IGF2R: variants seen among roughly 807,000 people sequenced by gnomAD.
IGF2R encodes the protein insulin like growth factor 2 receptor.
IGF2R carries 91 observed loss-of-function variants against 270.6 expected under a neutral mutation model. That is an observed-to-expected ratio of 0.34 (90% CI 0.28 to 0.40). The LOEUF (loss-of-function observed/expected upper bound fraction) is 0.40, where lower values mean the gene tolerates loss of function less well. IGF2R is among the 10% of genes least tolerant of loss of function. IGF2R has a pLI of 1.00. For synonymous variants in IGF2R, 1,316 were observed against 1,258.9 expected, an observed-to-expected ratio of 1.05 and a Z score of -0.96; for missense variants, 2,805 against 3,188.3, an observed-to-expected ratio of 0.88 and a Z score of 2.90.
intron 4 of IGF2R, among the ~76,000 whole-genome samples, chr6:160,020,957 A>T (rs1777418928): frequency 6.6e-6 from 1 of 152,242 alleles, no homozygotes; most frequent in Admixed American, 6.5e-5. Context: ...ATGGGACTTT[A>T]TTAAACTTAA....
At chr6:159,997,950 T>A (rs150003951) in intron 2 of IGF2R, among the ~76,000 whole-genome samples, 1 of 152,160 alleles carries the variant, frequency 6.6e-6, no homozygotes, top group South Asian at 2.1e-4. Flanking sequence ...TTGATTTCCC[T>A]CTCTCTCTAC....
At chr6:160,019,577 A>G (rs1186095419) in intron 4 of IGF2R, among the ~76,000 whole-genome samples, 2 of 152,220 alleles carry the variant, frequency 1.3e-5, no homozygotes, top group Non-Finnish European at 2.9e-5. Context: ...ACAAAATACT[A>G]GCAAACTGAA....
intron 29 of IGF2R, among the ~76,000 whole-genome samples, chr6:160,065,814 GTA>G (rs59035193): frequency 0.04 from 3,091 of 78,166 alleles, 131 homozygotes; most frequent in East Asian, 0.13. Flanking sequence ...GTGTGTGTGT[GTA>G]TATATATATA....
intron 10 of IGF2R, among the ~76,000 whole-genome samples, chr6:160,037,559 C>G (rs1777855002): frequency 2.6e-5 from 4 of 152,138 alleles, no homozygotes; most frequent in Admixed American, 6.5e-5. Flanking sequence ...GGTTCATGTA[C>G]TTTTCAGGAT....
intron 4 of IGF2R, among the ~76,000 whole-genome samples, chr6:160,015,314 G>A (rs553621863): frequency 1.3e-5 from 2 of 152,170 alleles, no homozygotes; most frequent in Non-Finnish European, 2.9e-5. Context: ...TTTGGAAGAG[G>A]TAATTAAAAT....
At chr6:160,041,775 C>T (rs1161115966) in intron 11 of IGF2R, among the ~76,000 whole-genome samples, 1 of 152,152 alleles carries the variant, frequency 6.6e-6, no homozygotes, top group Non-Finnish European at 1.5e-5. Flanking sequence ...TGGTTAAACA[C>T]CCTGTGTGCT....
At chr6:160,072,518 G>T (rs1778764551) in intron 32 of IGF2R, among the ~76,000 whole-genome samples, 1 of 152,206 alleles carries the variant, frequency 6.6e-6, no homozygotes, top group Non-Finnish European at 1.5e-5. Context: ...TGGCTGCTGT[G>T]GTATGGCCCA....
chr6:160,060,205 T>A (rs1778405017), intron 22 of IGF2R, among the ~76,000 whole-genome samples: 2 of 152,020 alleles, frequency 1.3e-5, no homozygotes, highest in African/African-American at 2.4e-5. Context: ...AGGCCACCGT[T>A]GCAGTGAGTG....
In IGF2R at chr6:160,029,596, T is replaced by G. The variant is rs754064175; in HGVS notation, c.823T>G (p.Cys275Gly). ...VREEAGKLDF[C>G]DGHSPAVTIT... ...GGAAGAGGCAGGAAAGCTAGACTTT[T>G]GTGATGGTCACAGCCCTGCGGTGAC... Residue 275 changes from cysteine to glycine, a missense_variant, in exon 7 of 48, where the codon TGT (cysteine) becomes GGT (glycine). Cys to Gly is a radical substitution (Grantham distance 159, BLOSUM62 -3). Coordinates refer to ENST00000356956, the MANE Select transcript of IGF2R (RefSeq NM_000876.4). 6.8e-6 allele frequency: 11 copies of G among 1,614,198 alleles called. No homozygotes were observed. The highest frequency in any genetic ancestry group is 9.3e-6 in the Non-Finnish European group (11 of 1,180,008).
At position 160,080,171 on chromosome 6, in the gene IGF2R, A is replaced by G. The variant is rs768236699; in HGVS notation, c.5729A>G (p.Asn1910Ser). 2.0e-5 allele frequency: 32 copies of G among 1,613,986 alleles called. No individual in the cohort carries two copies. The highest frequency in any genetic ancestry group is 3.3e-5 in the Admixed American group (2 of 59,996). The change falls in exon 39 of 48, where the codon AAT (asparagine) becomes AGT (serine). Residue 1910 changes from asparagine (N) to serine (S), a missense_variant. Physicochemically the swap from Asn to Ser is conservative, Grantham distance 46. Transcript: ENST00000356956. ...CCCTGTGTCTTCCCCTTCATATTCAATGGGAAGAGCTACGAGGAGTGCATC... is the reference window on the plus strand; with the variant it reads ...CCCTGTGTCTTCCCCTTCATATTCAGTGGGAAGAGCTACGAGGAGTGCATC... The part of the protein sequence containing the change: ...GVPCVFPFIF[N>S]GKSYEECIIE...
chr6:160,096,611 C>A lies in IGF2R; in HGVS notation c.6828C>A (p.Ala2276=), dbSNP rs200108338. The change falls in exon 45 of 48, where the codon GCC becomes GCA. Residue 2276 remains alanine, a synonymous_variant. Coordinates refer to ENST00000356956, the MANE Select transcript of IGF2R (RefSeq NM_000876.4). ...ACCTCTTCTCTTGGTACACCTCAGC[C>A]GTGTGTCCTCTGGGGTGAGTATGAC... ...CQYLFSWYTS[A]VCPLGVGFDS... is the part of the protein sequence containing the mutation. 5 of 1,613,558 alleles carry A rather than the reference C, an allele frequency of 3.1e-6. No individual in the cohort carries two copies. Among genetic ancestry groups the A allele is most frequent in the Non-Finnish European group, 3.4e-6 (4 of 1,179,648 alleles).
At chr6:160,021,774 C>T (rs2115220242) in intron 4 of IGF2R, among the ~76,000 whole-genome samples, 1 of 152,074 alleles carries the variant, frequency 6.6e-6, no homozygotes. Flanking sequence ...CACTTATACA[C>T]CATTGGTGGG....
chr6:159,972,173 C>T (rs1783618841), intron 1 of IGF2R, among the ~76,000 whole-genome samples: 1 of 151,936 alleles, frequency 6.6e-6, no homozygotes, highest in Non-Finnish European at 1.5e-5. Flanking sequence ...ACGTGTTAAG[C>T]TCCATTTTAA....
rs117358940 is a variant in IGF2R at position 160,061,927 on chromosome 6, C to T, written c.3581C>T (p.Ser1194Leu). The T allele has an allele frequency of 9.0e-4, 1,449 of 1,613,888 alleles. 24 individuals carry two copies. In the East Asian group the frequency reaches 0.024, roughly 26 times the overall value. Reference protein sequence around the residue: ...TRITFECAQISGSPAFQLQDG... With the variant: ...TRITFECAQILGSPAFQLQDG... ...ATCACGTTTGAGTGTGCTCAGATATCGGTGTGTGTTCAGACCAGCAATGAG... is the reference window on the plus strand; with the variant it reads ...ATCACGTTTGAGTGTGCTCAGATATTGGTGTGTGTTCAGACCAGCAATGAG... Residue 1194 changes from serine to leucine, a missense_variant and splice_region_variant, in exon 25 of 48, where the codon TCG (serine) becomes TTG (leucine). Around this residue, in one of 2 missense-constraint regions of IGF2R, gnomAD observed 1,851 missense variants for 2,207.2 expected, o/e 0.84. Transcript: ENST00000356956.
chr6:160,053,420 A>G (rs902119966), intron 19 of IGF2R, among the ~76,000 whole-genome samples: 2 of 152,202 alleles, frequency 1.3e-5, no homozygotes. Flanking sequence ...TAATAAAAAA[A>G]GGTATTAAAA....
intron 33 of IGF2R, 23 bp from the exon 34 acceptor site, chr6:160,073,190 T>G: frequency 6.2e-7 from 1 of 1,606,308 alleles, no homozygotes; most frequent in South Asian, 1.1e-5. Context: ...TTGTGTTTTC[T>G]CCGCCTTTCC....
At chr6:159,978,325 G>A (rs1783725162) in intron 1 of IGF2R, among the ~76,000 whole-genome samples, 1 of 151,714 alleles carries the variant, frequency 6.6e-6, no homozygotes, top group African/African-American at 2.4e-5. Context: ...CAAACAATGA[G>A]GAGCTTGATA....
intron 2 of IGF2R, among the ~76,000 whole-genome samples, chr6:159,999,953 A>G (rs1784103964): frequency 6.6e-6 from 1 of 152,224 alleles, no homozygotes; most frequent in Admixed American, 6.5e-5. Context: ...TAATGACTAA[A>G]AGGTGTTCTA....
chr6:160,075,771 G>T, intron 35 of IGF2R, 76 bp from the exon 36 acceptor site: 1 of 1,496,492 alleles, frequency 6.7e-7, no homozygotes, highest in Non-Finnish European at 9.2e-7. Context: ...TTGCAATTCT[G>T]TATCAATTCT....
Sources: allele counts gnomAD v4.1 joint callset (sites outside exome capture counted in the v4.1 genomes callset), GRCh38; gene constraint gnomAD v4.1.1; regional missense constraint gnomAD v4.1.1; transcripts MANE v1.5; gene names NCBI Gene and HGNC (gene_info 2026-07-23, HGNC 2026-07-21).